The following CSGALNACT1 variants were observed in gnomAD, a reference collection of about 807,000 sequenced individuals.
CSGALNACT1 encodes beta4GalNAcT-1.
Under a neutral mutation model 51.0 loss-of-function variants are expected in CSGALNACT1, and 52 were observed. The observed-to-expected ratio is 1.02, with a 90% confidence interval of 0.82 to 1.29. The LOEUF (loss-of-function observed/expected upper bound fraction) is 1.29, where lower values mean the gene tolerates loss of function less well. CSGALNACT1 is among the 50% of genes most tolerant of loss of function. CSGALNACT1 has a pLI of 0.00. For synonymous variants in CSGALNACT1, 341 were observed against 254.4 expected (o/e 1.34, Z -3.24); for missense variants, 935 against 679.2 (o/e 1.38, Z -4.19).
chr8:19,744,783 T>C (rs2064544932), intron 1 of CSGALNACT1, among the ~76,000 whole-genome samples: 1 of 152,230 alleles, frequency 6.6e-6, no homozygotes, highest in Non-Finnish European at 1.5e-5. Context: ...TTACTCACCA[T>C]GTTGACTATT....
Position 19,577,543 on chromosome 8 carries a change from A to G in CSGALNACT1, c.-297+13617T>C, listed in dbSNP as rs575470092. Among the ~76,000 whole-genome samples, 7 of 142,154 alleles carry G rather than the reference A, an allele frequency of 4.9e-5. No individual in the cohort carries two copies. The South Asian group carries it at 1.6e-3, about 33-fold the overall frequency. The allele number at this position is 142,154 out of a possible 152,430, so 93.3% of individuals were successfully genotyped here. ...ATTACCGCACTCCAGCCTCAGTGAC[A>G]GCAAGACCCTATCTCAAAAAAAAAA... On this transcript the variant is annotated intron_variant, in intron 3 of 9. Transcript: ENST00000454498.
chr8:19,564,452 G>A (rs1219480538), intron 3 of CSGALNACT1, among the ~76,000 whole-genome samples: 1 of 151,018 alleles, frequency 6.6e-6, no homozygotes, highest in African/African-American at 2.4e-5. Flanking sequence ...GGAAGCCCAG[G>A]TTGGGAACCA....
At position 19,530,339 on chromosome 8, in the gene CSGALNACT1, C is replaced by T. The variant is rs1371611631; in HGVS notation, c.-296-24209G>A. 3.3e-5 allele frequency among the ~76,000 whole-genome samples: 5 copies of T among 151,616 alleles called. 1 individual carries two copies. The highest frequency in any genetic ancestry group is 4.2e-4 in the South Asian group (2 of 4,798). On this transcript the variant is annotated intron_variant, in intron 3 of 9. Coordinates refer to ENST00000454498, the Ensembl canonical transcript of CSGALNACT1. ...ACACACACACACACACACACACACA[C>T]GCACACAAGTACTGACTGTACATGA...
At chr8:19,580,509 A>G (rs548150569) in intron 3 of CSGALNACT1, among the ~76,000 whole-genome samples, 2 of 152,338 alleles carry the variant, frequency 1.3e-5, no homozygotes, top group South Asian at 4.1e-4. Context: ...TCCAATTATC[A>G]TAATGGTTGA....
At chr8:19,722,522 G>T (rs2063180147) in intron 1 of CSGALNACT1, among the ~76,000 whole-genome samples, 1 of 152,130 alleles carries the variant, frequency 6.6e-6, no homozygotes, top group Admixed American at 6.5e-5. Context: ...TCCAGGTCTG[G>T]CCACAAAAGT....
chr8:19,537,345 A>T (rs970343381), intron 3 of CSGALNACT1, among the ~76,000 whole-genome samples: 24 of 152,118 alleles, frequency 1.6e-4, no homozygotes, highest in African/African-American at 5.8e-4. Flanking sequence ...GTGTGCAGTA[A>T]ACGGTCTTCG....
intron 4 of CSGALNACT1, among the ~76,000 whole-genome samples, chr8:19,482,384 T>C (rs1013492091): frequency 2.6e-5 from 4 of 152,170 alleles, no homozygotes; most frequent in Admixed American, 2.0e-4. Context: ...GAGGACTTTT[T>C]CCTTTTCTTG....
At chr8:19,407,905 T>TTGTGTGTGTG (rs60746708) in intron 9 of CSGALNACT1, among the ~76,000 whole-genome samples, 4 of 112,720 alleles carry the variant, frequency 3.5e-5, no homozygotes, top group African/African-American at 1.3e-4. Flanking sequence ...TGTATATGAA[T>TTGTGTGTGTG]TGTGTGTGTG....
intron 1 of CSGALNACT1, among the ~76,000 whole-genome samples, chr8:19,715,381 T>A (rs2154235439): frequency 6.6e-6 from 1 of 152,328 alleles, no homozygotes; most frequent in Non-Finnish European, 1.5e-5. Context: ...CATATGGGAT[T>A]TGCTATTCTG....
intron 2 of CSGALNACT1, among the ~76,000 whole-genome samples, chr8:19,592,185 C>G (rs2047958863): frequency 6.6e-6 from 1 of 152,082 alleles, no homozygotes; most frequent in African/African-American, 2.4e-5. Flanking sequence ...GATGTTAGTA[C>G]TAGAGGGGAA....
intron 3 of CSGALNACT1, among the ~76,000 whole-genome samples, chr8:19,513,436 C>CTATATTTATATATATA (rs2078874882): frequency 1.2e-5 from 1 of 81,974 alleles, no homozygotes. Flanking sequence ...CTCTCTCTCT[C>CTATATTTATATATATA]TATATATATA....
At chr8:19,573,501 T>C (rs1255097555) in intron 3 of CSGALNACT1, among the ~76,000 whole-genome samples, 2 of 151,954 alleles carry the variant, frequency 1.3e-5, no homozygotes, top group African/African-American at 2.4e-5. Flanking sequence ...TGGAATGTAG[T>C]GGTGCGATCT....
In CSGALNACT1 at chr8:19,536,665, T is replaced by C. The variant is rs369252527; in HGVS notation, c.-296-30535A>G. 2.8e-4 allele frequency among the ~76,000 whole-genome samples: 42 copies of C among 152,324 alleles called. No homozygotes were observed. The South Asian group carries it at 6.2e-3, about 23-fold the overall frequency. ...GATTGCTTTGTACATATGAAGATTATAGAATCTACGTAAGAAAGCAAAAGA... is the reference window on the plus strand; with the variant it reads ...GATTGCTTTGTACATATGAAGATTACAGAATCTACGTAAGAAAGCAAAAGA... On this transcript the variant is annotated intron_variant, in intron 3 of 9. Transcript: ENST00000454498.
intron 4 of CSGALNACT1, among the ~76,000 whole-genome samples, chr8:19,503,626 A>G (rs2076793979): frequency 6.6e-6 from 1 of 152,176 alleles, no homozygotes; most frequent in Admixed American, 6.5e-5. Context: ...GTAAACTAAT[A>G]CATGTGGAAA....
chr8:19,632,819 G>C (rs1199251301), intron 1 of CSGALNACT1, among the ~76,000 whole-genome samples: 1 of 152,170 alleles, frequency 6.6e-6, no homozygotes, highest in Non-Finnish European at 1.5e-5. Context: ...GCAGTGGAAC[G>C]GTCACAGCTC....
chr8:19,680,429 G>T (rs1324385670), intron 1 of CSGALNACT1, among the ~76,000 whole-genome samples: 2 of 152,018 alleles, frequency 1.3e-5, no homozygotes, highest in Admixed American at 6.5e-5. Flanking sequence ...GGTGGCGGGT[G>T]CCTGTAATCC....
intron 1 of CSGALNACT1, among the ~76,000 whole-genome samples, chr8:19,742,311 C>A (rs545148731): frequency 9.2e-5 from 14 of 152,322 alleles, no homozygotes; most frequent in African/African-American, 3.1e-4. Flanking sequence ...TGTGCCAAAC[C>A]ACAGTGCCGT....
chr8:19,531,111 A>T (rs980260307), intron 3 of CSGALNACT1, among the ~76,000 whole-genome samples: 4 of 152,208 alleles, frequency 2.6e-5, no homozygotes, highest in African/African-American at 9.7e-5. Context: ...GAAAAATTAA[A>T]ACCTTAGACT....
At chr8:19,423,832 G>A (rs190948260) in intron 6 of CSGALNACT1, among the ~76,000 whole-genome samples, 1 of 152,192 alleles carries the variant, frequency 6.6e-6, no homozygotes, top group East Asian at 1.9e-4. Context: ...TATATCCATG[G>A]CACTACCCAA....
Sources: allele counts gnomAD v4.1 joint callset (sites outside exome capture counted in the v4.1 genomes callset), GRCh38; gene constraint gnomAD v4.1.1; transcripts MANE v1.5; gene names NCBI Gene and HGNC (gene_info 2026-07-23, HGNC 2026-07-21).